The following ZNF423 variants were observed in gnomAD, a reference collection of about 807,000 sequenced individuals.
ZNF423 encodes zinc finger protein 423, also known as Ebf-associated zinc finger protein.
In ZNF423, 12 loss-of-function variants were observed where a neutral mutation model predicts 95.8. That is an observed-to-expected ratio of 0.13 (90% CI 0.08 to 0.20). The LOEUF (loss-of-function observed/expected upper bound fraction) is 0.20. Among genes scored for constraint, ZNF423 ranks in the 10% least tolerant of loss-of-function variants. The pLI is 1.00. For missense variants in ZNF423, 1,316 were observed against 1,737.1 expected (o/e 0.76, Z 4.31); for synonymous variants, 749 against 711.9 (o/e 1.05, Z -0.83).
intron 5 of ZNF423, among the ~76,000 whole-genome samples, chr16:49,607,342 G>A (rs1971572144): frequency 6.6e-6 from 1 of 152,186 alleles, no homozygotes; most frequent in African/African-American, 2.4e-5. Flanking sequence ...AGCATGGACT[G>A]AGGACCTCAA....
At chr16:49,520,181 A>G (rs986605798) in intron 7 of ZNF423, among the ~76,000 whole-genome samples, 3 of 152,212 alleles carry the variant, frequency 2.0e-5, no homozygotes, top group African/African-American at 7.2e-5. Flanking sequence ...CTCAGGTGCT[A>G]GAAACAGGGC....
intron 3 of ZNF423, among the ~76,000 whole-genome samples, chr16:49,687,965 C>A (rs2031629112): frequency 1.3e-5 from 2 of 151,972 alleles, no homozygotes; most frequent in Admixed American, 6.5e-5. Context: ...TGGGTCCCAA[C>A]CCATCTGCCC....
rs117441533 is a variant in ZNF423, at chr16:49,594,770, A to G, written c.3601+31400T>C. On this transcript the variant is annotated intron_variant, in intron 5 of 7. Coordinates refer to ENST00000563137, the MANE Select transcript of ZNF423 (RefSeq NM_001379286.1). Reference sequence around the variant, plus strand: ...ATGGACAGGCGCAAATATAACACAAATTAGAGCACACACGGCCAACAGCAG... The same window carrying G: ...ATGGACAGGCGCAAATATAACACAAGTTAGAGCACACACGGCCAACAGCAG... 4.7e-4 allele frequency among the ~76,000 whole-genome samples: 72 copies of G among 152,276 alleles called. No individual in the cohort carries two copies. The East Asian group carries it at 0.014, about 29-fold the overall frequency.
chr16:49,689,349 CCAGGAGGCTGAGT>C (rs2031691187), intron 3 of ZNF423, among the ~76,000 whole-genome samples: 2 of 151,708 alleles, frequency 1.3e-5, no homozygotes, highest in South Asian at 4.2e-4. Flanking sequence ...TCCCAGCTGC[CCAGGAGGCTGAGT>C]CAGGAGGATC....
chr16:49,506,008 G>C (rs1990722), intron 7 of ZNF423, among the ~76,000 whole-genome samples: 31,179 of 152,128 alleles, frequency 0.2, 3,315 homozygotes, highest in African/African-American at 0.28. Flanking sequence ...TATCTATATC[G>C]CCAGTCTGTC....
upstream of ZNF423, among the ~76,000 whole-genome samples, chr16:49,858,545 C>A (rs2144151446): frequency 6.6e-6 from 1 of 152,300 alleles, no homozygotes; most frequent in East Asian, 1.9e-4. The surrounding 1 kb of genome is among the most constrained non-coding windows in gnomAD (Gnocchi z 4.3). Flanking sequence ...CGGCAGCGGG[C>A]GAGCGAGGCT....
chr16:49,497,395 A>G, intron 7 of ZNF423, among the ~76,000 whole-genome samples: 1 of 152,170 alleles, frequency 6.6e-6, no homozygotes, highest in Non-Finnish European at 1.5e-5. Flanking sequence ...GGCCAAACTC[A>G]TAGACCCTGA....
intron 3 of ZNF423, among the ~76,000 whole-genome samples, chr16:49,691,776 A>G (rs2031791855): frequency 6.6e-6 from 1 of 151,614 alleles, no homozygotes; most frequent in Non-Finnish European, 1.5e-5. Flanking sequence ...CAAGTAACAG[A>G]GATGTTGAGG....
chr16:49,691,131 G>A (rs1487857316), intron 3 of ZNF423, among the ~76,000 whole-genome samples: 1 of 152,258 alleles, frequency 6.6e-6, no homozygotes, highest in Admixed American at 6.5e-5. Flanking sequence ...GACAGAGGGA[G>A]TCAGACAGGT....
chr16:49,780,832 A>T (rs929505977), intron 2 of ZNF423, among the ~76,000 whole-genome samples: 2 of 152,260 alleles, frequency 1.3e-5, no homozygotes, highest in East Asian at 3.8e-4. Flanking sequence ...AATGCATTTC[A>T]TAAGTCTTTA....
chr16:49,697,548 G>A (rs1036443071), intron 3 of ZNF423, among the ~76,000 whole-genome samples: 1 of 151,740 alleles, frequency 6.6e-6, no homozygotes, highest in Non-Finnish European at 1.5e-5. Context: ...AGACTGACAC[G>A]CAGGTTTACA....
intron 5 of ZNF423, among the ~76,000 whole-genome samples, chr16:49,613,976 T>C (rs1270517895): frequency 6.6e-6 from 1 of 152,130 alleles, no homozygotes; most frequent in Non-Finnish European, 1.5e-5. Context: ...AATTAAAAAC[T>C]TTTATTCTGC....
intron 1 of ZNF423, chr16:49,854,802 A>G: frequency 1.0e-6 from 1 of 985,328 alleles, no homozygotes; most frequent in African/African-American, 1.7e-5. Flanking sequence ...CTGGAAATAG[A>G]AAGCAAAGCG....
intron 1 of ZNF423, among the ~76,000 whole-genome samples, chr16:49,803,258 C>CA (rs2034608878): frequency 6.7e-6 from 1 of 148,932 alleles, no homozygotes; most frequent in Non-Finnish European, 1.5e-5. Context: ...GACCTTGTCT[C>CA]AAAAAAATAA....
intron 5 of ZNF423, among the ~76,000 whole-genome samples, chr16:49,621,728 A>G (rs1001763599): frequency 1.3e-5 from 2 of 152,174 alleles, no homozygotes; most frequent in African/African-American, 4.8e-5. Context: ...ATCCACTGGG[A>G]CACTGGGCCC....
At chr16:49,652,691 C>T (rs995032489) in intron 3 of ZNF423, among the ~76,000 whole-genome samples, 6 of 152,228 alleles carry the variant, frequency 3.9e-5, no homozygotes, top group African/African-American at 1.4e-4. Context: ...AAAATGCTTT[C>T]GGGGTTGAAT....
upstream of ZNF423, among the ~76,000 whole-genome samples, chr16:49,857,370 G>A (rs910799180): frequency 6.6e-5 from 10 of 151,054 alleles, no homozygotes; most frequent in African/African-American, 1.5e-4. The surrounding 1 kb of genome is among the most constrained non-coding windows in gnomAD (Gnocchi z 6.2). Context: ...ACGCGGGGCC[G>A]GGGCTCGGGC....
intron 1 of ZNF423, among the ~76,000 whole-genome samples, chr16:49,818,662 G>T (rs1464871188): frequency 6.6e-6 from 1 of 152,120 alleles, no homozygotes; most frequent in Non-Finnish European, 1.5e-5. Flanking sequence ...GATGTGGGAG[G>T]ATCCCTTGAG....
At chr16:49,715,586 T>C (rs2032681151) in intron 3 of ZNF423, among the ~76,000 whole-genome samples, 1 of 151,818 alleles carries the variant, frequency 6.6e-6, no homozygotes, top group Non-Finnish European at 1.5e-5. Context: ...TCAAAATTAA[T>C]ATAAAATACT....
Sources: allele counts gnomAD v4.1 joint callset (sites outside exome capture counted in the v4.1 genomes callset), GRCh38; gene constraint gnomAD v4.1.1; non-coding constraint Gnocchi (gnomAD v3.1); transcripts MANE v1.5; gene names NCBI Gene and HGNC (gene_info 2026-07-23, HGNC 2026-07-21).